GPR161: variants seen among roughly 807,000 people sequenced by gnomAD.
The protein encoded by GPR161 is G protein-coupled receptor 161, also known as G-protein coupled receptor RE2.
A neutral mutation model predicts 39.2 loss-of-function variants in GPR161; 25 were observed. That is an observed-to-expected ratio of 0.64 (90% CI 0.47 to 0.89). The LOEUF (loss-of-function observed/expected upper bound fraction) is 0.89. GPR161 is among the 40% of genes least tolerant of loss of function. The pLI, the probability that GPR161 is intolerant of heterozygous loss-of-function variation, is 0.00. For missense variants in GPR161, 547 were observed against 677.8 expected (o/e 0.81, Z 2.14); for synonymous variants, 286 against 276.6 (o/e 1.03, Z -0.34).
Position 168,096,845 on chromosome 1 carries a change from A to T in GPR161, c.762T>A (p.Asn254Lys). Residue 254 changes from asparagine (N) to lysine (K), a missense_variant, in exon 3 of 6, where the codon AAT becomes AAA. Asn to Lys is a moderately conservative substitution (Grantham distance 94, BLOSUM62 0). Transcript: ENST00000682931. ...TSTSSSGSRR[N>K]AFQGVVYSAN... is the part of the protein sequence containing the mutation. The stretch of plus-strand genomic sequence containing the variant: ...CCGAGTAGACCACACCCTGAAAGGC[A>T]TTCCTCCTGCTGCCTGAAGAGGAGG... 3.1e-6 allele frequency: 5 copies of T among 1,614,136 alleles called. No homozygotes were observed. The highest frequency in any genetic ancestry group is 3.4e-6 in the Non-Finnish European group (4 of 1,180,022).
chr1:168,094,678 G>A (rs1695360045), intron 3 of GPR161, among the ~76,000 whole-genome samples: 1 of 152,196 alleles, frequency 6.6e-6, no homozygotes, highest in Non-Finnish European at 1.5e-5. Flanking sequence ...TAACTAGAGT[G>A]GTTTGAAGAG....
chr1:168,098,146 C>T lies in GPR161; in HGVS notation c.375-914G>A, dbSNP rs910227911. 1.3e-5 allele frequency among the ~76,000 whole-genome samples: 2 copies of T among 152,190 alleles called. No homozygotes were observed. Among genetic ancestry groups the T allele is most frequent in the Non-Finnish European group, 2.9e-5 (2 of 68,030 alleles). On this transcript the variant is annotated intron_variant, in intron 2 of 5. Transcript: ENST00000682931. The surrounding 1 kb of genome is among the most constrained non-coding windows in gnomAD (Gnocchi z 4.1). The stretch of plus-strand genomic sequence containing the variant: ...TCTCACAGCGTTGGAGGCACTGACC[C>T]AGGACCACCCCAGGCAGAAAGCTAG...
chr1:168,117,031 T>C (rs761570472), intron 1 of GPR161, among the ~76,000 whole-genome samples: 6 of 152,182 alleles, frequency 3.9e-5, no homozygotes, highest in Non-Finnish European at 8.8e-5. Flanking sequence ...GAGCACCTCA[T>C]TGCCCTTCAC....
chr1:168,113,136 GC>G (rs1472003630), intron 1 of GPR161, among the ~76,000 whole-genome samples: 1 of 152,096 alleles, frequency 6.6e-6, no homozygotes, highest in African/African-American at 2.4e-5. Flanking sequence ...CTTACCCAGG[GC>G]CCAACAAGCC....
At chr1:168,114,608 C>T (rs984999031) in intron 1 of GPR161, 1 of 151,698 alleles carries the variant, frequency 6.6e-6, no homozygotes, top group Non-Finnish European at 1.5e-5. Flanking sequence ...GGTTTGAAGC[C>T]CAGCCCATCC....
Position 168,085,016 on chromosome 1 carries a change from G to A in GPR161, c.*515C>T. The A allele has an allele frequency of 2.2e-6, 1 of 456,346 alleles. No homozygotes were observed. The highest frequency in any genetic ancestry group is 1.5e-5 in the South Asian group (1 of 64,574). 28.3% of individuals were successfully genotyped at this position (456,346 alleles called of 1,614,324 possible). ...GTCCTAGAACTGAGGGTCCCACACT[G>A]CCCGCATCAACCATGTAGAGGCACC... On this transcript the variant is annotated 3_prime_UTR_variant, in exon 6 of 6. Transcript: ENST00000682931.
chr1:168,121,267 C>A (rs1698137539), intron 1 of GPR161, among the ~76,000 whole-genome samples: 1 of 152,158 alleles, frequency 6.6e-6, no homozygotes, highest in African/African-American at 2.4e-5. Context: ...GCTGCACCCA[C>A]CCCAGCAAGT....
chr1:168,124,168 C>T (rs1187974017), intron 1 of GPR161, among the ~76,000 whole-genome samples: 1 of 152,234 alleles, frequency 6.6e-6, no homozygotes, highest in African/African-American at 2.4e-5. Context: ...AGGGCAAACA[C>T]TGCTGCAACC....
intron 3 of GPR161, among the ~76,000 whole-genome samples, chr1:168,094,095 T>C (rs183803684): frequency 1.3e-5 from 2 of 152,244 alleles, no homozygotes; most frequent in Admixed American, 1.3e-4. Flanking sequence ...ACAGCTGGTG[T>C]TTTCCGCCTG....
chr1:168,086,554 T>C (rs1694513446), intron 5 of GPR161, among the ~76,000 whole-genome samples: 1 of 152,140 alleles, frequency 6.6e-6, no homozygotes, highest in African/African-American at 2.4e-5. Context: ...CACTCACTCA[T>C]GGCAGGGGAG....
At chr1:168,087,775 A>G in intron 4 of GPR161, 71 bp from the exon 5 acceptor site, 2 of 1,469,540 alleles carry the variant, frequency 1.4e-6, no homozygotes, top group Non-Finnish European at 1.8e-6. Context: ...TCCCCTCTCA[A>G]CACCCCTTCC....
At position 168,126,322 on chromosome 1, in the gene GPR161, GA is replaced by G. The variant is rs112396886; in HGVS notation, c.-45+10416del. ...ACCGTCTATCTCTAGACCACCTTAA[GA>G]ACTCTGAAGAGGCCTTTCCAGAAAA... On this transcript the variant is annotated intron_variant, in intron 1 of 5. Coordinates refer to ENST00000682931, the MANE Select transcript of GPR161 (RefSeq NM_001375883.1). Among the ~76,000 whole-genome samples, 425 of 152,278 alleles carry G rather than the reference GA, an allele frequency of 2.8e-3. 1 individual carries two copies. Among genetic ancestry groups the G allele is most frequent in the African/African-American group, 9.7e-3 (403 of 41,558 alleles).
At chr1:168,137,031 C>A, upstream of GPR161, 1 of 832,650 alleles carries the variant, frequency 1.2e-6, no homozygotes, top group Non-Finnish European at 1.4e-6. Context: ...CGCACTGCCC[C>A]GCCCCGCCCA....
chr1:168,133,293 A>G (rs1699137997), intron 1 of GPR161, among the ~76,000 whole-genome samples: 1 of 152,226 alleles, frequency 6.6e-6, no homozygotes, highest in African/African-American at 2.4e-5. Context: ...TCCAGACCTC[A>G]ATAAACAAAG....
chr1:168,134,621 C>G (rs1475451916), intron 1 of GPR161, among the ~76,000 whole-genome samples: 1 of 152,186 alleles, frequency 6.6e-6, no homozygotes, highest in African/African-American at 2.4e-5. Flanking sequence ...GCAGCCTGCA[C>G]ACATAATTTG....
At chr1:168,106,768 A>AT (rs1301722137) in intron 1 of GPR161, among the ~76,000 whole-genome samples, 3 of 152,098 alleles carry the variant, frequency 2.0e-5, no homozygotes, top group Non-Finnish European at 4.4e-5. Flanking sequence ...CCCTTTATGC[A>AT]TTTTGGCCCA....
intron 1 of GPR161, among the ~76,000 whole-genome samples, chr1:168,119,795 T>G (rs1460133426): frequency 6.6e-6 from 1 of 152,164 alleles, no homozygotes; most frequent in Non-Finnish European, 1.5e-5. Flanking sequence ...GTTCTCACAT[T>G]GTTTCAGTGG....
chr1:168,136,793 G>C lies in GPR161; in HGVS notation c.-99C>G, dbSNP rs1230258959. On this transcript the variant is annotated 5_prime_UTR_variant, in exon 1 of 6. Coordinates refer to ENST00000682931, the MANE Select transcript of GPR161 (RefSeq NM_001375883.1). ...CCCGGCCCAGCCGCCTCCCCGCCTC[G>C]GCCACCGCCGCCGCCGCTTCCTTCC... The C allele has an allele frequency of 3.1e-6, 3 of 983,554 alleles. No homozygotes were observed. The highest frequency in any genetic ancestry group is 3.6e-6 in the Non-Finnish European group (3 of 829,890). The allele number at this position is 983,554 out of a possible 1,614,324, so 60.9% of individuals were successfully genotyped here.
At position 168,096,563 on chromosome 1, in the gene GPR161, T is replaced by C. The variant is rs1695560865; in HGVS notation, c.1044A>G (p.Pro348=). The C allele has an allele frequency of 4.3e-6, 7 of 1,614,070 alleles. No individual in the cohort carries two copies. The highest frequency in any genetic ancestry group is 1.7e-5 in the Admixed American group (1 of 60,000). Residue 348 remains proline (P), a synonymous_variant, in exon 3 of 6, where the codon CCA becomes CCG. Transcript: ENST00000682931. ...MCFGDRYYRE[P]FVQRQRTSRL... is the part of the protein sequence containing the mutation. ...TGGAAGTCCTCTGTCGTTGCACAAA[T>C]GGTTCCCGATAATACCGGTCCCCAA...
Sources: allele counts gnomAD v4.1 joint callset (sites outside exome capture counted in the v4.1 genomes callset), GRCh38; gene constraint gnomAD v4.1.1; non-coding constraint Gnocchi (gnomAD v3.1); transcripts MANE v1.5; gene names NCBI Gene and HGNC (gene_info 2026-07-23, HGNC 2026-07-21).